Variants in SMARCA2 observed in about 807,000 individuals in gnomAD.
SMARCA2 encodes the protein SWI/SNF-related matrix-associated actin-dependent regulator of chromatin subfamily A member 2.
A neutral mutation model predicts 199.8 loss-of-function variants in SMARCA2; 61 were observed. The observed-to-expected ratio is 0.31, with a 90% confidence interval of 0.25 to 0.38. SMARCA2 has a LOEUF of 0.38. Among genes scored for constraint, SMARCA2 ranks in the 10% least tolerant of loss-of-function variants. The pLI is 1.00. For missense variants in SMARCA2, 1,344 were observed against 2,012.2 expected (o/e 0.67, Z 6.35); for synonymous variants, 935 against 732.0 (o/e 1.28, Z -4.48).
At chr9:2,021,387 A>G (rs1818594417) in intron 1 of SMARCA2, among the ~76,000 whole-genome samples, 1 of 152,236 alleles carries the variant, frequency 6.6e-6, no homozygotes, top group Non-Finnish European at 1.5e-5. Context: ...GGAACGTCAT[A>G]TGTTGGCTTA....
At chr9:2,171,924 G>T (rs1259958190) in intron 29 of SMARCA2, among the ~76,000 whole-genome samples, 1 of 152,168 alleles carries the variant, frequency 6.6e-6, no homozygotes, top group Non-Finnish European at 1.5e-5. Context: ...CCAGTGCCAT[G>T]CCCAGGCTTT....
chr9:2,159,344 T>A (rs1328912481), intron 27 of SMARCA2: 7 of 246,760 alleles, frequency 2.8e-5, no homozygotes, highest in African/African-American at 4.5e-5. Context: ...GTTAAAATAT[T>A]TGAATCTTAG....
chr9:2,119,405 T>A lies in SMARCA2; in HGVS notation c.3685-53T>A. The A allele has an allele frequency of 1.6e-6, 2 of 1,217,420 alleles. No individual in the cohort carries two copies. The highest frequency in any genetic ancestry group is 2.4e-6 in the Non-Finnish European group (2 of 818,580). 75.4% of individuals were successfully genotyped at this position (1,217,420 alleles called of 1,614,324 possible). A position where few individuals can be genotyped will look rare whatever the true frequency, so the allele number is the denominator to read the frequency against. ...CTGGAGGACAGATCACTTACTTGTT[T>A]GTACCTTGCCCCAGCTGTCCACTGG... On this transcript the variant is annotated intron_variant, in intron 25 of 33. Coordinates refer to ENST00000349721, the MANE Select transcript of SMARCA2 (RefSeq NM_003070.5). The surrounding 1 kb of genome is among the most constrained non-coding windows in gnomAD (Gnocchi z 4.6).
intron 9 of SMARCA2, among the ~76,000 whole-genome samples, chr9:2,069,484 G>A (rs541303569): frequency 1.5e-4 from 22 of 151,678 alleles, no homozygotes; most frequent in Middle Eastern, 6.8e-3. Context: ...GCGTGAACAC[G>A]GGAGGCGGAG....
At chr9:2,188,850 C>T (rs10965140) in intron 32 of SMARCA2, among the ~76,000 whole-genome samples, 15,766 of 152,060 alleles carry the variant, frequency 0.1, 1,131 homozygotes, top group African/African-American at 0.2. Flanking sequence ...TTCTTGTGTT[C>T]GTAGAAACAA....
chr9:2,160,811 TC>T (rs1483201178), intron 27 of SMARCA2: 1 of 422,598 alleles, frequency 2.4e-6, no homozygotes, highest in Non-Finnish European at 4.2e-6. Flanking sequence ...AATTTTATGT[TC>T]TTTTTTTTTT....
At chr9:2,173,987 T>C (rs904754449) in intron 29 of SMARCA2, among the ~76,000 whole-genome samples, 12 of 152,238 alleles carry the variant, frequency 7.9e-5, no homozygotes, top group Non-Finnish European at 1.5e-5. Context: ...CTTTAAATGT[T>C]TGCTGAAACA....
chr9:2,131,809 G>A (rs1407644082), intron 27 of SMARCA2, among the ~76,000 whole-genome samples: 3 of 151,902 alleles, frequency 2.0e-5, no homozygotes, highest in African/African-American at 7.3e-5. Context: ...GCGTGGTGGC[G>A]GGTGCCTGTA....
At chr9:2,087,180 GT>G in intron 18 of SMARCA2, 109 bp downstream of exon 18, 1 of 1,368,852 alleles carries the variant, frequency 7.3e-7, no homozygotes, top group Non-Finnish European at 1.0e-6. Flanking sequence ...GGTTTCCACT[GT>G]TGTTTATTTT....
chr9:2,165,484 A>G (rs567974332), intron 28 of SMARCA2, among the ~76,000 whole-genome samples: 2 of 152,316 alleles, frequency 1.3e-5, no homozygotes, highest in African/African-American at 4.8e-5. Flanking sequence ...ATCCTTCTGC[A>G]GTAACTGCTG....
At chr9:2,144,878 GC>G (rs1824652718) in intron 27 of SMARCA2, among the ~76,000 whole-genome samples, 1 of 152,116 alleles carries the variant, frequency 6.6e-6, no homozygotes, top group Non-Finnish European at 1.5e-5. Flanking sequence ...ACTTAGTGGT[GC>G]CTGGTGTGTA....
At chr9:2,127,547 T>A (rs1439289703) in intron 27 of SMARCA2, among the ~76,000 whole-genome samples, 1 of 152,156 alleles carries the variant, frequency 6.6e-6, no homozygotes, top group Non-Finnish European at 1.5e-5. Flanking sequence ...GGCTTGGTCA[T>A]CTCCATCCAC....
intron 29 of SMARCA2, among the ~76,000 whole-genome samples, chr9:2,177,613 C>T (rs548067843): frequency 3.2e-4 from 49 of 151,948 alleles, no homozygotes; most frequent in African/African-American, 9.4e-4. Context: ...AGTGCAGTGG[C>T]GCGATCTCAG....
In SMARCA2 at chr9:2,073,636, C is replaced by T. The variant is rs1183842609; in HGVS notation, c.1935+13C>T. The T allele has an allele frequency of 6.3e-7, 1 of 1,592,772 alleles. No individual in the cohort carries two copies. On this transcript the variant is annotated intron_variant, in intron 12 of 33. Coordinates refer to ENST00000349721, the MANE Select transcript of SMARCA2 (RefSeq NM_003070.5). Reference sequence around the variant, plus strand: ...TTATGAGGAAGAGGTATGTATGTATCTCTGTTTGGGGTTTATTGGTTTGAA... The same window carrying T: ...TTATGAGGAAGAGGTATGTATGTATTTCTGTTTGGGGTTTATTGGTTTGAA...
chr9:2,039,621 C>T lies in SMARCA2; in HGVS notation c.511C>T (p.Pro171Ser). ...GGCCATGAGCCAGCCCAACAGAGGT[C>T]CCTCACCTTTCAGTCCTGTCCAGCT... ...PQAMSQPNRG[P>S]SPFSPVQLHQ... Residue 171 changes from proline to serine, a missense_variant, in exon 4 of 34, where the codon CCC becomes TCC. Coordinates refer to ENST00000349721, the MANE Select transcript of SMARCA2 (RefSeq NM_003070.5). The surrounding 1 kb of genome is among the most constrained non-coding windows in gnomAD (Gnocchi z 4.8). 6.2e-7 allele frequency: 1 copy of T among 1,614,190 alleles called. No individual in the cohort carries two copies. Among genetic ancestry groups the T allele is most frequent in the Non-Finnish European group, 8.5e-7 (1 of 1,180,040 alleles).
rs1469515444 is a variant in SMARCA2, at chr9:2,027,011, C to T, written c.-36-1976C>T. Among the ~76,000 whole-genome samples the T allele has an allele frequency of 2.0e-5, 3 of 152,226 alleles. No individual in the cohort carries two copies. In the East Asian group the frequency reaches 5.8e-4, roughly 29 times the overall value. On this transcript the variant is annotated intron_variant, in intron 1 of 33. Coordinates refer to ENST00000349721, the MANE Select transcript of SMARCA2 (RefSeq NM_003070.5). ...TGTTTTGATCCCCTGCTTATGATCA[C>T]TCTGAAGTAGCCTTTGACTGCTTCC...
intron 27 of SMARCA2, among the ~76,000 whole-genome samples, chr9:2,148,182 CACAGTT>C (rs1420011984): frequency 6.6e-6 from 1 of 151,684 alleles, no homozygotes; most frequent in Non-Finnish European, 1.5e-5. Context: ...AATTTCTTCT[CACAGTT>C]ACATTATATT....
At chr9:2,079,209 A>C (rs1412578378) in intron 14 of SMARCA2, among the ~76,000 whole-genome samples, 2 of 152,152 alleles carry the variant, frequency 1.3e-5, no homozygotes, top group Non-Finnish European at 2.9e-5. Context: ...TCAACATGTA[A>C]CCATAAGGCA....
intron 27 of SMARCA2, among the ~76,000 whole-genome samples, chr9:2,147,148 A>C (rs1824795338): frequency 6.6e-6 from 1 of 151,780 alleles, no homozygotes; most frequent in Non-Finnish European, 1.5e-5. Flanking sequence ...AGTGTTTAAG[A>C]TCTGAGCAAT....
Sources: allele counts gnomAD v4.1 joint callset (sites outside exome capture counted in the v4.1 genomes callset), GRCh38; gene constraint gnomAD v4.1.1; non-coding constraint Gnocchi (gnomAD v3.1); transcripts MANE v1.5; gene names NCBI Gene and HGNC (gene_info 2026-07-23, HGNC 2026-07-21).